Variants in MYSM1 observed in about 807,000 individuals in gnomAD.
MYSM1 encodes the protein Myb like, SWIRM and MPN domains 1, also known as deubiquitinase MYSM1.
MYSM1 carries 51 observed loss-of-function variants against 116.0 expected under a neutral mutation model. The ratio of observed to expected loss-of-function variants is 0.44; its 90% confidence interval spans 0.35 to 0.56. MYSM1 has a LOEUF of 0.56. Ranked by LOEUF, MYSM1 falls within the 20% of genes least tolerant of loss-of-function variation. MYSM1 has a pLI of 0.00. For synonymous variants in MYSM1, 313 were observed against 315.2 expected (o/e 0.99, Z 0.07); for missense variants, 900 against 974.9 (o/e 0.92, Z 1.02).
chr1:58,673,216 T>C (rs1644590561), intron 11 of MYSM1, among the ~76,000 whole-genome samples: 1 of 152,192 alleles, frequency 6.6e-6, no homozygotes, highest in Admixed American at 6.5e-5. Flanking sequence ...AGAACACATG[T>C]GTGTCTAATG....
chr1:58,694,994 T>C (rs1644953334), intron 2 of MYSM1, 135 bp downstream of exon 2: 3 of 436,262 alleles, frequency 6.9e-6, no homozygotes. Flanking sequence ...AAAAAAATTC[T>C]AAATTTCTAA....
At chr1:58,666,302 A>G (rs1201749023) in intron 16 of MYSM1, among the ~76,000 whole-genome samples, 2 of 152,200 alleles carry the variant, frequency 1.3e-5, no homozygotes, top group African/African-American at 4.8e-5. Context: ...AAACCCAGTC[A>G]CATATCAAGT....
intron 9 of MYSM1, 196 bp downstream of exon 9, chr1:58,676,730 A>G: frequency 2.6e-6 from 1 of 381,684 alleles, no homozygotes; most frequent in Non-Finnish European, 4.5e-6. Flanking sequence ...TACACTCTCA[A>G]TTTTCAGTGT....
intron 10 of MYSM1, among the ~76,000 whole-genome samples, chr1:58,674,533 C>T (rs1015128281): frequency 6.6e-6 from 1 of 152,120 alleles, no homozygotes; most frequent in Non-Finnish European, 1.5e-5. Flanking sequence ...AGAAAAACAG[C>T]TATTTTAGCA....
chr1:58,665,464 G>A, intron 17 of MYSM1, 35 bp downstream of exon 17: 1 of 1,495,150 alleles, frequency 6.7e-7, no homozygotes, highest in South Asian at 1.2e-5. Flanking sequence ...AATAAGAGTA[G>A]AAAGAGGATA....
intron 6 of MYSM1, 49 bp from the exon 7 acceptor site, chr1:58,685,300 A>C: frequency 7.6e-7 from 1 of 1,315,966 alleles, no homozygotes. Context: ...AATTTACTTA[A>C]GAATAGTCCA....
In MYSM1 at chr1:58,681,867, CTTGT is replaced by C. The variant is rs780092439; in HGVS notation, c.1173_1176del (p.Ala393PhefsTer17). The C allele has an allele frequency of 5.0e-6, 8 of 1,613,238 alleles. No individual in the cohort carries two copies. The highest frequency in any genetic ancestry group is 5.9e-6 in the Non-Finnish European group (7 of 1,179,790). ...CGCCCCTCAAAAAACTCAGGAATTG[CTTGT>C]TTTTCTTCTTCTTGAATGATATTTC... On this transcript the variant is annotated frameshift_variant, in exon 8 of 20. Coordinates refer to ENST00000472487, the MANE Select transcript of MYSM1 (RefSeq NM_001085487.3). LOFTEE classifies it high-confidence loss of function.
intron 1 of MYSM1, 99 bp downstream of exon 1, chr1:58,699,886 T>G (rs1645037275): frequency 6.4e-7 from 1 of 1,571,040 alleles, no homozygotes; most frequent in Admixed American, 1.8e-5. Flanking sequence ...GACAGTCTTC[T>G]GTTCCCTTTT....
At chr1:58,681,615 T>C (rs1262068465) in intron 8 of MYSM1, among the ~76,000 whole-genome samples, 170 bp downstream of exon 8, 3 of 152,222 alleles carry the variant, frequency 2.0e-5, no homozygotes, top group African/African-American at 7.2e-5. Flanking sequence ...ATGAGAGTTA[T>C]AGGTGATAAT....
chr1:58,670,852 G>A (rs1644550056), intron 12 of MYSM1, among the ~76,000 whole-genome samples: 1 of 152,164 alleles, frequency 6.6e-6, no homozygotes, highest in South Asian at 2.1e-4. Context: ...AATGAGAAAA[G>A]TGGATCTGGA....
In MYSM1 at chr1:58,667,058, C is replaced by A; in HGVS notation, c.2011G>T (p.Asp671Tyr). Reference sequence around the variant, plus strand: ...AATACCTGGTATTTAGCTTGTGTGTCAATATCTCGTAAGGAAGGATTAGGA... The same window carrying A: ...AATACCTGGTATTTAGCTTGTGTGTAAATATCTCGTAAGGAAGGATTAGGA... ...FDPNPSLRDI[D>Y]TQAKYQSYFS... The change falls in exon 16 of 20, where the codon GAC (aspartate) becomes TAC (tyrosine). Residue 671 changes from aspartate (D) to tyrosine (Y), a missense_variant. This residue lies in a region of MYSM1 where 186 missense variants were observed against 196.2 expected (regional missense o/e 0.95). Transcript: ENST00000472487. 1 of 1,609,680 alleles carries A rather than the reference C, an allele frequency of 6.2e-7. No individual in the cohort carries two copies. The highest frequency in any genetic ancestry group is 1.1e-5 in the South Asian group (1 of 90,410).
chr1:58,673,297 T>G (rs1208224884), intron 11 of MYSM1, among the ~76,000 whole-genome samples: 1 of 152,198 alleles, frequency 6.6e-6, no homozygotes, highest in Non-Finnish European at 1.5e-5. Flanking sequence ...TGAAACGAAT[T>G]GGGCATACCA....
chr1:58,690,156 TA>T (rs546081743), intron 5 of MYSM1, 69 bp downstream of exon 5: 561 of 1,293,696 alleles, frequency 4.3e-4, no homozygotes, highest in Middle Eastern at 7.9e-4. Context: ...CAACTATAAT[TA>T]AAAAAAAATT....
intron 17 of MYSM1, among the ~76,000 whole-genome samples, chr1:58,665,114 G>A (rs1225467189): frequency 6.6e-6 from 1 of 152,136 alleles, no homozygotes. Context: ...ACAGAGAGCT[G>A]GTGGTCATTT....
intron 9 of MYSM1, among the ~76,000 whole-genome samples, chr1:58,676,465 A>C (rs1335586734): frequency 6.6e-6 from 1 of 152,056 alleles, no homozygotes; most frequent in Non-Finnish European, 1.5e-5. Flanking sequence ...TTAACTTTAA[A>C]TTTGAAAAAA....
intron 8 of MYSM1, among the ~76,000 whole-genome samples, chr1:58,678,479 T>C (rs955500871): frequency 1.3e-5 from 2 of 152,120 alleles, no homozygotes; most frequent in Non-Finnish European, 2.9e-5. Flanking sequence ...AATATGTTCA[T>C]GGAATAATGA....
At chr1:58,674,351 T>G (rs1644611312) in intron 10 of MYSM1, among the ~76,000 whole-genome samples, 2 of 152,256 alleles carry the variant, frequency 1.3e-5, no homozygotes, top group South Asian at 4.1e-4. Context: ...ATTACAAAGT[T>G]GGTTGACTAC....
At chr1:58,674,664 G>A (rs1039604490) in intron 10 of MYSM1, among the ~76,000 whole-genome samples, 4 of 151,912 alleles carry the variant, frequency 2.6e-5, no homozygotes, top group African/African-American at 9.7e-5. Flanking sequence ...GGTGGCTCAC[G>A]CCTGTAATCC....
At chr1:58,683,361 G>C (rs1489466385) in intron 7 of MYSM1, among the ~76,000 whole-genome samples, 2 of 152,118 alleles carry the variant, frequency 1.3e-5, no homozygotes, top group African/African-American at 4.8e-5. Flanking sequence ...CATCTTCACT[G>C]AGTACATTAA....
Sources: gnomAD v4.1 joint callset for allele counts (sites outside exome capture counted in the v4.1 genomes callset) on GRCh38, gnomAD v4.1.1 for gene constraint, gnomAD v4.1.1 regional missense constraint, MANE v1.5 for transcripts, NCBI Gene and HGNC (gene_info 2026-07-23, HGNC 2026-07-21) for gene names.